UPF2: variants seen among roughly 807,000 people sequenced by gnomAD.
UPF2 encodes the protein UPF2 regulator of nonsense mediated mRNA decay.
A neutral mutation model predicts 141.4 loss-of-function variants in UPF2; 17 were observed. The observed-to-expected ratio is 0.12, with a 90% CI of 0.08 to 0.18. UPF2 has a LOEUF of 0.18. UPF2 is among the 10% of genes least tolerant of loss of function. UPF2 has a pLI of 1.00. For synonymous variants in UPF2, 540 were observed against 498.0 expected, an observed-to-expected ratio of 1.08 and a Z score of -1.12; for missense variants, 1,152 against 1,515.9, an observed-to-expected ratio of 0.76 and a Z score of 3.99.
At position 11,980,474 on chromosome 10, in the gene UPF2, G is replaced by A. The variant is rs1050215660; in HGVS notation, c.1845-1309C>T. Among the ~76,000 whole-genome samples the A allele has an allele frequency of 6.6e-6, 1 of 152,134 alleles. No homozygotes were observed. The highest frequency in any genetic ancestry group is 1.5e-5 in the Non-Finnish European group (1 of 68,022). On this transcript the variant is annotated intron_variant, in intron 8 of 21. Coordinates refer to ENST00000357604, the MANE Select transcript of UPF2 (RefSeq NM_015542.4). This position sits in a 1 kb window ranked among gnomAD's most constrained non-coding sequence, Gnocchi z 4.2. ...TTATCGCTGAGTGGAGGCCGGGCACGGTGGCTCACATCTGTAATCCCAGCA... is the reference window on the plus strand; with the variant it reads ...TTATCGCTGAGTGGAGGCCGGGCACAGTGGCTCACATCTGTAATCCCAGCA...
chr10:11,966,844 G>C (rs185323979), intron 10 of UPF2, among the ~76,000 whole-genome samples: 1 of 152,306 alleles, frequency 6.6e-6, no homozygotes, highest in Admixed American at 6.5e-5. Flanking sequence ...CAGCTCTCCA[G>C]GGATGGCAAC....
At position 11,959,533 on chromosome 10, in the gene UPF2, C is replaced by T. The variant is rs577553820; in HGVS notation, c.2185-177G>A. ...CCAGCACTTTGGGAGACTGAGATTG[C>T]AGGATCACTTGAATCCAGGAGTTCA... On this transcript the variant is annotated intron_variant, in intron 11 of 21. Coordinates refer to ENST00000357604, the MANE Select transcript of UPF2 (RefSeq NM_015542.4). The surrounding 1 kb of genome is among the most constrained non-coding windows in gnomAD (Gnocchi z 5.9). 6.6e-6 allele frequency among the ~76,000 whole-genome samples: 1 copy of T among 152,214 alleles called. No homozygotes were observed. The highest frequency in any genetic ancestry group is 1.9e-4 in the East Asian group (1 of 5,174).
intron 11 of UPF2, among the ~76,000 whole-genome samples, chr10:11,961,520 G>A (rs1336094208): frequency 6.6e-6 from 1 of 151,738 alleles, no homozygotes; most frequent in African/African-American, 2.4e-5. Context: ...GAGGAGGGAG[G>A]GGCCGGGTAA....
At chr10:12,027,151 T>C (rs1278496687) in intron 3 of UPF2, among the ~76,000 whole-genome samples, 2 of 152,150 alleles carry the variant, frequency 1.3e-5, no homozygotes, top group Admixed American at 6.5e-5. Context: ...TCCTAGCCCA[T>C]AGTGTTTCCA....
chr10:11,949,913 G>A (rs1833051964), intron 15 of UPF2, among the ~76,000 whole-genome samples: 1 of 152,120 alleles, frequency 6.6e-6, no homozygotes, highest in South Asian at 2.1e-4. Flanking sequence ...TGAAACAGCT[G>A]TATTAAGTAA....
intron 11 of UPF2, among the ~76,000 whole-genome samples, chr10:11,962,305 C>T (rs1252361982): frequency 6.6e-6 from 1 of 152,178 alleles, no homozygotes; most frequent in Non-Finnish European, 1.5e-5. Flanking sequence ...TAGATGATCC[C>T]ATAAGCACTG....
chr10:11,941,109 TTC>T (rs1166591525), intron 18 of UPF2, among the ~76,000 whole-genome samples: 1 of 152,216 alleles, frequency 6.6e-6, no homozygotes, highest in African/African-American at 2.4e-5. Flanking sequence ...AATATCTACC[TTC>T]TGTTAGAACA....
rs914481725 is a variant in UPF2 at position 11,940,510 on chromosome 10, G to A, written c.3378+2155C>T. On this transcript the variant is annotated intron_variant, in intron 18 of 21. Coordinates refer to ENST00000357604, the MANE Select transcript of UPF2 (RefSeq NM_015542.4). The surrounding 1 kb of genome is among the most constrained non-coding windows in gnomAD (Gnocchi z 4.2). ...CTTGGACACCTCAAAGGCTTCTCAA[G>A]TGGACACGGCCAAAGGGAAACTTTT... 6.6e-6 allele frequency among the ~76,000 whole-genome samples: 1 copy of A among 152,072 alleles called. No homozygotes were observed. The highest frequency in any genetic ancestry group is 1.5e-5 in the Non-Finnish European group (1 of 68,006).
intron 10 of UPF2, 94 bp downstream of exon 10, chr10:11,967,247 T>C: frequency 4.0e-6 from 3 of 746,902 alleles, no homozygotes; most frequent in Non-Finnish European, 5.9e-6. Flanking sequence ...TTCTTTTGGA[T>C]TAATCAAATA....
intron 8 of UPF2, among the ~76,000 whole-genome samples, chr10:11,986,870 G>GA (rs1185025711): frequency 6.6e-6 from 1 of 152,150 alleles, no homozygotes; most frequent in Non-Finnish European, 1.5e-5. Context: ...GGTCCAATCA[G>GA]AAAATCTCTT....
chr10:12,030,994 G>A (rs1235950394), intron 2 of UPF2, among the ~76,000 whole-genome samples: 3 of 151,086 alleles, frequency 2.0e-5, no homozygotes, highest in African/African-American at 7.3e-5. Flanking sequence ...CTAACACAGT[G>A]AAACCCCGTC....
intron 3 of UPF2, among the ~76,000 whole-genome samples, chr10:12,022,554 C>T (rs922139998): frequency 1.3e-5 from 2 of 152,244 alleles, no homozygotes; most frequent in Admixed American, 6.5e-5. Flanking sequence ...ACTACTACTA[C>T]AGCAAAGTCA....
chr10:11,936,391 C>CAA lies in UPF2; in HGVS notation c.3546+152_3546+153dup. On this transcript the variant is annotated intron_variant, in intron 19 of 21. Transcript: ENST00000357604. The surrounding 1 kb of genome is among the most constrained non-coding windows in gnomAD (Gnocchi z 6.6). The stretch of plus-strand genomic sequence containing the variant: ...AAAAAAACAAAAACAAAAACAAAAA[C>CAA]AAAAACAAAAAAAACTATATAAGGG... 6.6e-6 allele frequency among the ~76,000 whole-genome samples: 1 copy of CAA among 151,526 alleles called. No homozygotes were observed. Among genetic ancestry groups the CAA allele is most frequent in the African/African-American group, 2.4e-5 (1 of 41,190 alleles).
intron 16 of UPF2, among the ~76,000 whole-genome samples, chr10:11,947,128 G>A (rs1415600679): frequency 2.0e-4 from 30 of 152,162 alleles, no homozygotes; most frequent in South Asian, 2.1e-4. Context: ...CTTGAACTAC[G>A]GAGGTGGAGA....
intron 8 of UPF2, among the ~76,000 whole-genome samples, chr10:11,990,175 G>A (rs1833755781): frequency 6.6e-6 from 1 of 151,660 alleles, no homozygotes; most frequent in Non-Finnish European, 1.5e-5. Context: ...GCCCAAACAG[G>A]GCAGATCTTC....
intron 21 of UPF2, among the ~76,000 whole-genome samples, chr10:11,922,424 T>G (rs1009863243): frequency 2.0e-5 from 3 of 152,142 alleles, no homozygotes; most frequent in African/African-American, 7.2e-5. Flanking sequence ...AGAAATGAAC[T>G]GATGGAAAGA....
intron 15 of UPF2, among the ~76,000 whole-genome samples, chr10:11,951,484 C>G (rs541558791): frequency 6.6e-6 from 1 of 152,294 alleles, no homozygotes; most frequent in African/African-American, 2.4e-5. Flanking sequence ...TCCTGCAGCT[C>G]TAGTGGAAGC....
rs375789378 is a variant in UPF2, at chr10:11,959,309, G to A, written c.2232C>T (p.Tyr744=). 5.0e-6 allele frequency: 8 copies of A among 1,597,286 alleles called. No individual in the cohort carries two copies. The highest frequency in any genetic ancestry group is 2.2e-5 in the East Asian group (1 of 44,594). ...AATATGCATTCTCTACCATTGTGAC[G>A]TATCTCGCATCAAGATGCATTGCTT... is the stretch of plus-strand genomic sequence containing the variant. ...KKQAMHLDAR[Y]VTMVENAYYY... Residue 744 remains tyrosine, a synonymous_variant, in exon 12 of 22, where the codon TAC becomes TAT. Transcript: ENST00000357604. The surrounding 1 kb of genome is among the most constrained non-coding windows in gnomAD (Gnocchi z 5.9).
At chr10:12,003,542 A>G (rs894714999) in intron 5 of UPF2, among the ~76,000 whole-genome samples, 3 of 152,214 alleles carry the variant, frequency 2.0e-5, no homozygotes, top group Non-Finnish European at 2.9e-5. Flanking sequence ...GCAGGGTCCT[A>G]GAGACAATGT....
Sources: gnomAD v4.1 joint callset for allele counts (sites outside exome capture counted in the v4.1 genomes callset) on GRCh38, gnomAD v4.1.1 for gene constraint, Gnocchi (gnomAD v3.1) non-coding constraint, MANE v1.5 for transcripts, NCBI Gene and HGNC (gene_info 2026-07-23, HGNC 2026-07-21) for gene names.